The following ZFYVE28 variants were observed in gnomAD, a reference collection of about 807,000 sequenced individuals.
The protein encoded by ZFYVE28 is zinc finger FYVE-type containing 28.
ZFYVE28 carries 40 observed loss-of-function variants against 82.1 expected under a neutral mutation model. That is an observed-to-expected ratio of 0.49 (90% CI 0.38 to 0.63). The LOEUF (loss-of-function observed/expected upper bound fraction) is 0.63, where lower values mean the gene tolerates loss of function less well. ZFYVE28 is among the 30% of genes least tolerant of loss of function. ZFYVE28 has a pLI of 0.00. For missense variants in ZFYVE28, 1,321 were observed against 1,242.1 expected (o/e 1.06, Z -0.96); for synonymous variants, 612 against 546.1 (o/e 1.12, Z -1.68).
chr4:2,397,387 A>C (rs528699186), intron 1 of ZFYVE28, among the ~76,000 whole-genome samples: 2 of 150,878 alleles, frequency 1.3e-5, no homozygotes, highest in Admixed American at 6.6e-5. Flanking sequence ...CTGAGGCAGG[A>C]GAATCGCTTG....
intron 8 of ZFYVE28, among the ~76,000 whole-genome samples, chr4:2,275,209 G>A (rs1736304099): frequency 6.6e-6 from 1 of 152,172 alleles, no homozygotes; most frequent in Non-Finnish European, 1.5e-5. Flanking sequence ...CATCTTCCCA[G>A]CAGCTGCGTC....
chr4:2,389,998 C>T lies in ZFYVE28; in HGVS notation c.39+28287G>A, dbSNP rs547627887. On this transcript the variant is annotated intron_variant, in intron 1 of 12. Transcript: ENST00000290974. ...TATTGTGGGTTGAATGGCGGCCCCC[C>T]GAAGATAGGTCTACCTGGAACTTGT... is the stretch of plus-strand genomic sequence containing the variant. 9.2e-5 allele frequency among the ~76,000 whole-genome samples: 14 copies of T among 152,320 alleles called. No homozygotes were observed. The East Asian group carries it at 1.9e-3, about 21-fold the overall frequency.
chr4:2,304,698 C>T lies in ZFYVE28; in HGVS notation c.1642G>A (p.Gly548Ser), dbSNP rs755698779. 17 of 1,612,486 alleles carry T rather than the reference C, an allele frequency of 1.1e-5. No homozygotes were observed. The highest frequency in any genetic ancestry group is 2.7e-5 in the African/African-American group (2 of 74,938). Residue 548 changes from glycine to serine, a missense_variant, in exon 8 of 13, where the codon GGC becomes AGC. Coordinates refer to ENST00000290974, the MANE Select transcript of ZFYVE28 (RefSeq NM_020972.3). ...SEPVAEGMDGGPHKLSTGATN... is the reference protein window; with the variant it reads ...SEPVAEGMDGSPHKLSTGATN... The stretch of plus-strand genomic sequence containing the variant: ...GCCCCAGTGCTAAGCTTGTGGGGGC[C>T]GCCATCCATCCCCTCGGCCACGGGC...
intron 8 of ZFYVE28, among the ~76,000 whole-genome samples, chr4:2,278,284 C>G (rs1736663030): frequency 6.8e-6 from 1 of 147,660 alleles, no homozygotes; most frequent in South Asian, 2.1e-4. Flanking sequence ...CTTCCCTGGG[C>G]TCAAGTGAGC....
At chr4:2,317,623 A>C (rs1279528860) in intron 7 of ZFYVE28, among the ~76,000 whole-genome samples, 2 of 151,666 alleles carry the variant, frequency 1.3e-5, no homozygotes, top group Non-Finnish European at 2.9e-5. Context: ...TGCTCACGGC[A>C]TGCTTTTTGT....
At chr4:2,272,989 C>T (rs1323227032) in intron 10 of ZFYVE28, among the ~76,000 whole-genome samples, 184 bp downstream of exon 10, 1 of 152,224 alleles carries the variant, frequency 6.6e-6, no homozygotes, top group Non-Finnish European at 1.5e-5. Flanking sequence ...CTTGGCTCCC[C>T]AGCAGGAAGG....
chr4:2,337,359 G>C lies in ZFYVE28; in HGVS notation c.611+48C>G, dbSNP rs1055250405. 7 of 1,527,670 alleles carry C rather than the reference G, an allele frequency of 4.6e-6. No individual in the cohort carries two copies. In the African/African-American group the frequency reaches 9.6e-5, roughly 21 times the overall value. The allele number at this position is 1,527,670 out of a possible 1,614,324, so 94.6% of individuals were successfully genotyped here. A position where few individuals can be genotyped will look rare whatever the true frequency, so the allele number is the denominator to read the frequency against. ...TCTGCCCCGGGCCTGGAGTGAGGCA[G>C]GGACTCCCCAGATGCTGCCCCCAGC... On this transcript the variant is annotated intron_variant, in intron 5 of 12. Transcript: ENST00000290974.
intron 3 of ZFYVE28, among the ~76,000 whole-genome samples, chr4:2,340,449 A>C (rs927361499): frequency 6.6e-6 from 1 of 152,166 alleles, no homozygotes; most frequent in Non-Finnish European, 1.5e-5. Flanking sequence ...CAGGTTTAGG[A>C]TAGAACCAAT....
chr4:2,326,906 T>A (rs1287313758), intron 6 of ZFYVE28, among the ~76,000 whole-genome samples: 1 of 152,158 alleles, frequency 6.6e-6, no homozygotes, highest in Non-Finnish European at 1.5e-5. Flanking sequence ...CTATATTCAT[T>A]ATTAGTCCTA....
rs1029222388 is a variant in ZFYVE28, at chr4:2,418,254, G to C, written c.39+31C>G. 7 of 1,533,828 alleles carry C rather than the reference G, an allele frequency of 4.6e-6. No individual in the cohort carries two copies. Among genetic ancestry groups the C allele is most frequent in the Non-Finnish European group, 5.3e-6 (6 of 1,139,560 alleles). Reference sequence around the variant, plus strand: ...TGGGGAAGGGAGAGGCCGCGACGCGGGGGGCGTCCGGCCCGAGCGGGGCCG... The same window carrying C: ...TGGGGAAGGGAGAGGCCGCGACGCGCGGGGCGTCCGGCCCGAGCGGGGCCG... On this transcript the variant is annotated intron_variant, in intron 1 of 12. Coordinates refer to ENST00000290974, the MANE Select transcript of ZFYVE28 (RefSeq NM_020972.3). This position sits in a 1 kb window ranked among gnomAD's most constrained non-coding sequence, Gnocchi z 4.6.
chr4:2,271,002 T>C, intron 12 of ZFYVE28, 146 bp from the exon 13 acceptor site: 1 of 1,255,432 alleles, frequency 8.0e-7, no homozygotes, highest in Non-Finnish European at 1.1e-6. Flanking sequence ...GGTTGTGACC[T>C]TCAGGAGGCT....
chr4:2,381,520 A>C (rs1173924200), intron 1 of ZFYVE28, among the ~76,000 whole-genome samples: 4 of 152,020 alleles, frequency 2.6e-5, no homozygotes, highest in Admixed American at 2.6e-4. Context: ...AATTCTCCTG[A>C]CTCAGCCTCC....
intron 1 of ZFYVE28, among the ~76,000 whole-genome samples, chr4:2,399,789 G>A (rs2108934170): frequency 6.6e-6 from 1 of 152,340 alleles, no homozygotes; most frequent in South Asian, 2.1e-4. Context: ...CTCGGAGCAG[G>A]GCCCGGGACA....
intron 7 of ZFYVE28, among the ~76,000 whole-genome samples, chr4:2,315,453 T>C (rs934559793): frequency 6.6e-6 from 1 of 152,122 alleles, no homozygotes; most frequent in Non-Finnish European, 1.5e-5. Flanking sequence ...TTTGAATTTT[T>C]AGTAGAGACG....
chr4:2,349,393 G>C (rs1274015866), intron 2 of ZFYVE28, among the ~76,000 whole-genome samples: 1 of 150,524 alleles, frequency 6.6e-6, no homozygotes, highest in Non-Finnish European at 1.5e-5. Context: ...GGGAGGGATA[G>C]AATTGGGAGA....
At chr4:2,319,781 G>C (rs1294212962) in intron 7 of ZFYVE28, among the ~76,000 whole-genome samples, 1 of 140,358 alleles carries the variant, frequency 7.1e-6, no homozygotes, top group African/African-American at 2.6e-5. Context: ...GACTCCAACA[G>C]AAGCAAGCGC....
chr4:2,337,537 T>C (rs771845698), intron 4 of ZFYVE28, 41 bp from the exon 5 acceptor site: 13 of 1,533,728 alleles, frequency 8.5e-6, no homozygotes, highest in Non-Finnish European at 9.7e-6. Flanking sequence ...ACCTGGGCTG[T>C]GGCGGGGCCC....
chr4:2,301,185 C>G (rs1354394494), intron 8 of ZFYVE28, among the ~76,000 whole-genome samples: 4 of 152,182 alleles, frequency 2.6e-5, no homozygotes, highest in Admixed American at 2.0e-4. Context: ...GGCTATGTCT[C>G]TTGTTCCTTG....
At chr4:2,353,727 T>C (rs1724816138) in intron 2 of ZFYVE28, among the ~76,000 whole-genome samples, 1 of 151,990 alleles carries the variant, frequency 6.6e-6, no homozygotes, top group African/African-American at 2.4e-5. Flanking sequence ...AAGTGTCCCG[T>C]GCGGTTTCTC....
Sources: gnomAD v4.1 joint callset for allele counts (sites outside exome capture counted in the v4.1 genomes callset) on GRCh38, gnomAD v4.1.1 for gene constraint, Gnocchi (gnomAD v3.1) non-coding constraint, MANE v1.5 for transcripts, NCBI Gene and HGNC (gene_info 2026-07-23, HGNC 2026-07-21) for gene names.